Variants in SH3RF3 observed in about 807,000 individuals in gnomAD.
SH3RF3 encodes the protein E3 ubiquitin-protein ligase SH3RF3.
A neutral mutation model predicts 66.3 loss-of-function variants in SH3RF3; 29 were observed. The observed-to-expected ratio is 0.44, with a 90% CI of 0.33 to 0.60. SH3RF3 has a LOEUF of 0.60. Among genes scored for constraint, SH3RF3 ranks in the 20% least tolerant of loss-of-function variants. SH3RF3 has a pLI of 0.04. For synonymous variants in SH3RF3, 583 were observed against 532.0 expected (o/e 1.10, Z -1.32); for missense variants, 1,194 against 1,190.9 (o/e 1.00, Z -0.04).
chr2:109,151,280 A>G lies in SH3RF3; in HGVS notation c.573+21167A>G, dbSNP rs181599720. Among the ~76,000 whole-genome samples, 31 of 152,300 alleles carry G rather than the reference A, an allele frequency of 2.0e-4. No homozygotes were observed. In the East Asian group the frequency reaches 4.2e-3, roughly 21 times the overall value. On this transcript the variant is annotated intron_variant, in intron 1 of 9. Transcript: ENST00000309415. ...TTTGTGGGGCTCCATGTTTGTGGCC[A>G]TGGAAACAGACTGAATACAGAATTT...
chr2:109,451,015 G>A (rs532806179), intron 8 of SH3RF3, among the ~76,000 whole-genome samples: 33 of 152,360 alleles, frequency 2.2e-4, no homozygotes, highest in African/African-American at 6.0e-4. Context: ...CTGGAGGCAG[G>A]CCCTGCTCCC....
chr2:109,163,390 CTTTTTTT>C (rs70956302), intron 1 of SH3RF3, among the ~76,000 whole-genome samples: 6 of 70,268 alleles, frequency 8.5e-5, no homozygotes, highest in East Asian at 5.1e-4. Context: ...AGCAAATATT[CTTTTTTT>C]TTTTTTTTTT....
chr2:109,240,436 CAA>C (rs1679750641), intron 1 of SH3RF3, among the ~76,000 whole-genome samples: 1 of 152,030 alleles, frequency 6.6e-6, no homozygotes, highest in African/African-American at 2.4e-5. Flanking sequence ...TGCAGTGAGC[CAA>C]GATCGCACCT....
chr2:109,174,682 A>G (rs1677876805), intron 1 of SH3RF3, among the ~76,000 whole-genome samples: 1 of 152,182 alleles, frequency 6.6e-6, no homozygotes, highest in Non-Finnish European at 1.5e-5. Context: ...GGAAGATGAT[A>G]TTTTCAGGAT....
intron 1 of SH3RF3, among the ~76,000 whole-genome samples, chr2:109,188,584 C>T (rs899482414): frequency 2.0e-5 from 3 of 152,184 alleles, no homozygotes; most frequent in Non-Finnish European, 2.9e-5. Context: ...GGGCAGGGGT[C>T]CCGTCCCCTC....
At position 109,438,704 on chromosome 2, in the gene SH3RF3, C is replaced by T. The variant is rs556616857; in HGVS notation, c.1828+1558C>T. Among the ~76,000 whole-genome samples, 24 of 152,298 alleles carry T rather than the reference C, an allele frequency of 1.6e-4. No homozygotes were observed. In the South Asian group the frequency reaches 2.9e-3, roughly 18 times the overall value. On this transcript the variant is annotated intron_variant, in intron 7 of 9. Transcript: ENST00000309415. ...ATCAGCCGTCCTTCAGCATGGTTTACGTGGATCTGTGTTTTCTGGTAGCCT... is the reference window on the plus strand; with the variant it reads ...ATCAGCCGTCCTTCAGCATGGTTTATGTGGATCTGTGTTTTCTGGTAGCCT...
intron 1 of SH3RF3, among the ~76,000 whole-genome samples, chr2:109,245,983 C>T (rs1398457413): frequency 1.3e-5 from 2 of 152,174 alleles, no homozygotes; most frequent in Non-Finnish European, 2.9e-5. Flanking sequence ...CTGGCTTATT[C>T]ACAAAAAACC....
intron 1 of SH3RF3, among the ~76,000 whole-genome samples, chr2:109,282,253 T>C (rs187124538): frequency 6.6e-6 from 1 of 152,248 alleles, no homozygotes; most frequent in Non-Finnish European, 1.5e-5. Flanking sequence ...TAGGGAGATA[T>C]TGGCTTTGAG....
At chr2:109,484,496 A>T (rs1434518413) in intron 8 of SH3RF3, among the ~76,000 whole-genome samples, 2 of 152,130 alleles carry the variant, frequency 1.3e-5, no homozygotes, top group African/African-American at 4.8e-5. Flanking sequence ...ATCACTCACC[A>T]GCCCAGGCCT....
chr2:109,283,107 C>G (rs1680935301), intron 1 of SH3RF3, among the ~76,000 whole-genome samples: 1 of 152,176 alleles, frequency 6.6e-6, no homozygotes, highest in Non-Finnish European at 1.5e-5. Flanking sequence ...GTGATGATGG[C>G]AGATGATCAA....
chr2:109,375,288 C>T (rs1172015183), intron 3 of SH3RF3, among the ~76,000 whole-genome samples: 1 of 152,208 alleles, frequency 6.6e-6, no homozygotes, highest in Non-Finnish European at 1.5e-5. Flanking sequence ...CCTTTTCGCC[C>T]ATCGTTTTGC....
intron 3 of SH3RF3, among the ~76,000 whole-genome samples, chr2:109,379,080 T>C (rs894564360): frequency 4.6e-5 from 7 of 152,212 alleles, no homozygotes; most frequent in Non-Finnish European, 1.0e-4. Flanking sequence ...GCCCATGTTA[T>C]GGGCTCCGCC....
intron 7 of SH3RF3, among the ~76,000 whole-genome samples, chr2:109,441,979 T>C (rs1326732015): frequency 1.3e-5 from 2 of 150,248 alleles, no homozygotes; most frequent in Non-Finnish European, 2.9e-5. Context: ...TAAAGAATTA[T>C]TCAGAAATAG....
chr2:109,446,415 A>G (rs919548001), intron 7 of SH3RF3, among the ~76,000 whole-genome samples: 20 of 152,212 alleles, frequency 1.3e-4, no homozygotes, highest in Admixed American at 5.2e-4. Flanking sequence ...GGGACAGGCA[A>G]TGAATAATCA....
intron 2 of SH3RF3, among the ~76,000 whole-genome samples, chr2:109,349,647 C>A (rs531199180): frequency 6.6e-6 from 1 of 152,178 alleles, no homozygotes; most frequent in South Asian, 2.1e-4. Context: ...CCAGGCTTGG[C>A]GGGCTCCAGG....
chr2:109,296,866 G>T lies in SH3RF3; in HGVS notation c.574-50808G>T, dbSNP rs537525724. On this transcript the variant is annotated intron_variant, in intron 1 of 9. Transcript: ENST00000309415. ...AGGCGTCTCACCTCCTGACAGCACT[G>T]CTATAGCATTGCCAGATGTTATTTT... 3.9e-4 allele frequency among the ~76,000 whole-genome samples: 60 copies of T among 152,310 alleles called. 1 individual carries two copies. The South Asian group carries it at 0.012, about 31-fold the overall frequency.
At chr2:109,422,590 C>T in intron 5 of SH3RF3, among the ~76,000 whole-genome samples, 1 of 129,094 alleles carries the variant, frequency 7.7e-6, no homozygotes, top group Non-Finnish European at 1.7e-5. Context: ...TCCTGCACCC[C>T]CTTTCCACCC....
intron 8 of SH3RF3, among the ~76,000 whole-genome samples, chr2:109,465,957 A>G (rs1049280958): frequency 2.0e-5 from 3 of 150,646 alleles, no homozygotes; most frequent in Admixed American, 2.0e-4. Flanking sequence ...ACCAGACCCC[A>G]CCTCTAACAC....
At chr2:109,209,858 C>T (rs1360857067) in intron 1 of SH3RF3, among the ~76,000 whole-genome samples, 1 of 152,172 alleles carries the variant, frequency 6.6e-6, no homozygotes, top group Non-Finnish European at 1.5e-5. Context: ...ATAAATTTTA[C>T]CATTTTTAAG....
Sources: gnomAD v4.1 joint callset for allele counts (sites outside exome capture counted in the v4.1 genomes callset) on GRCh38, gnomAD v4.1.1 for gene constraint, MANE v1.5 for transcripts, NCBI Gene and HGNC (gene_info 2026-07-23, HGNC 2026-07-21) for gene names.